The following ADARB2 variants were observed in gnomAD, a reference collection of about 807,000 sequenced individuals.
ADARB2 encodes the protein inactive double-stranded RNA-specific editase B2.
In ADARB2, 25 loss-of-function variants were observed where a neutral mutation model predicts 62.2. The ratio of observed to expected loss-of-function variants is 0.40; its 90% CI spans 0.29 to 0.56. The LOEUF is 0.56. Ranked by LOEUF, ADARB2 falls within the 20% of genes least tolerant of loss-of-function variation. ADARB2 has a pLI of 0.43. For missense variants in ADARB2, 1,071 were observed against 1,077.4 expected, an observed-to-expected ratio of 0.99 and a Z score of 0.08; for synonymous variants, 572 against 500.8, an observed-to-expected ratio of 1.14 and a Z score of -1.90.
chr10:1,315,884 T>C (rs773561412), intron 3 of ADARB2, among the ~76,000 whole-genome samples: 1 of 152,266 alleles, frequency 6.6e-6, no homozygotes, highest in Non-Finnish European at 1.5e-5. Flanking sequence ...TAAAATGTCT[T>C]GAATACATTC....
intron 3 of ADARB2, among the ~76,000 whole-genome samples, chr10:1,325,867 A>G (rs1831840084): frequency 1.3e-5 from 2 of 152,224 alleles, no homozygotes; most frequent in African/African-American, 4.8e-5. Context: ...CAAGCTGTTC[A>G]TTCTGGAGGT....
chr10:1,547,430 A>C (rs1200919739), intron 1 of ADARB2, among the ~76,000 whole-genome samples: 1 of 32,424 alleles, frequency 3.1e-5, no homozygotes, highest in Non-Finnish European at 5.9e-5. Flanking sequence ...GGGGAGGGGG[A>C]GAGAGGCTGT....
chr10:1,711,274 C>T (rs1834946303), intron 1 of ADARB2, among the ~76,000 whole-genome samples: 1 of 152,136 alleles, frequency 6.6e-6, no homozygotes, highest in South Asian at 2.1e-4. Flanking sequence ...TCTGTGAGAA[C>T]AAACTCAAGG....
chr10:1,675,917 G>A (rs1156472065), intron 1 of ADARB2: 4 of 845,984 alleles, frequency 4.7e-6, no homozygotes, highest in Non-Finnish European at 4.3e-6. Context: ...GCAGAGGTCC[G>A]CGTGGGTCAG....
intron 1 of ADARB2, among the ~76,000 whole-genome samples, chr10:1,725,156 C>G (rs1044854695): frequency 6.6e-6 from 1 of 152,144 alleles, no homozygotes; most frequent in Non-Finnish European, 1.5e-5. Flanking sequence ...CTCCCTGCAT[C>G]GTGCTAACCT....
At chr10:1,562,887 G>T (rs1832803580) in intron 1 of ADARB2, among the ~76,000 whole-genome samples, 1 of 152,242 alleles carries the variant, frequency 6.6e-6, no homozygotes, top group East Asian at 1.9e-4. Flanking sequence ...CAAGAAATAT[G>T]ATTGAAGTTG....
At chr10:1,736,759 G>T (rs1333347445) in intron 1 of ADARB2, among the ~76,000 whole-genome samples, 1 of 152,232 alleles carries the variant, frequency 6.6e-6, no homozygotes, top group African/African-American at 2.4e-5. Context: ...GGACTGCGGG[G>T]CCCGGAGACG....
intron 3 of ADARB2, among the ~76,000 whole-genome samples, chr10:1,285,117 T>C (rs1831401182): frequency 6.6e-6 from 1 of 151,050 alleles, no homozygotes; most frequent in Admixed American, 6.6e-5. Context: ...AAAAGTCATC[T>C]GCAGCATAAA....
chr10:1,499,066 CTCT>C (rs140750725), intron 1 of ADARB2, among the ~76,000 whole-genome samples: 20,935 of 151,534 alleles, frequency 0.14, 1,645 homozygotes, highest in East Asian at 0.19. Flanking sequence ...TCACTCATTA[CTCT>C]TCATTAATCA....
chr10:1,312,634 G>C (rs1831702781), intron 3 of ADARB2, among the ~76,000 whole-genome samples: 2 of 152,234 alleles, frequency 1.3e-5, no homozygotes, highest in Non-Finnish European at 2.9e-5. Context: ...AACCCTTTGA[G>C]GTAGGCGCTG....
intron 1 of ADARB2, among the ~76,000 whole-genome samples, chr10:1,651,292 A>T (rs752984557): frequency 1.3e-5 from 2 of 152,344 alleles, no homozygotes; most frequent in South Asian, 4.2e-4. Context: ...TAGTTTCTCC[A>T]TCGAGCCCTG....
intron 1 of ADARB2, among the ~76,000 whole-genome samples, chr10:1,655,468 G>C (rs757454169): frequency 6.6e-6 from 1 of 152,156 alleles, no homozygotes; most frequent in Non-Finnish European, 1.5e-5. Flanking sequence ...AAACTGCAAC[G>C]CACACCTAAT....
chr10:1,723,329 C>A (rs1015753978), intron 1 of ADARB2, among the ~76,000 whole-genome samples: 10 of 152,218 alleles, frequency 6.6e-5, no homozygotes, highest in Non-Finnish European at 1.3e-4. Flanking sequence ...GAGCTCTCCC[C>A]GTGGCCTTTC....
chr10:1,280,090 G>C (rs1831356772), intron 3 of ADARB2, among the ~76,000 whole-genome samples: 3 of 152,176 alleles, frequency 2.0e-5, no homozygotes, highest in African/African-American at 7.2e-5. Flanking sequence ...TGTTGGCTCA[G>C]AGTGAGTGAG....
At chr10:1,364,933 C>G (rs1360393710) in intron 2 of ADARB2, among the ~76,000 whole-genome samples, 1 of 149,806 alleles carries the variant, frequency 6.7e-6, no homozygotes, top group African/African-American at 2.5e-5. Flanking sequence ...AGGGCAGTGG[C>G]GCGATCTTGG....
chr10:1,669,218 G>A lies in ADARB2; in HGVS notation c.100+67833C>T, dbSNP rs1322786260. ...CTTCACCAGGATCCCTCAGCTCCACGAAGAGCTGTGCAGGGCTAGTGAGGC... is the reference window on the plus strand; with the variant it reads ...CTTCACCAGGATCCCTCAGCTCCACAAAGAGCTGTGCAGGGCTAGTGAGGC... On this transcript the variant is annotated intron_variant, in intron 1 of 9. Coordinates refer to ENST00000381312, the MANE Select transcript of ADARB2 (RefSeq NM_018702.4). Among the ~76,000 whole-genome samples the A allele has an allele frequency of 2.6e-5, 4 of 152,276 alleles. 1 individual carries two copies. The highest frequency in any genetic ancestry group is 4.8e-5 in the African/African-American group (2 of 41,542).
At chr10:1,594,345 G>A (rs1405063153) in intron 1 of ADARB2, among the ~76,000 whole-genome samples, 3 of 152,218 alleles carry the variant, frequency 2.0e-5, no homozygotes, top group South Asian at 2.1e-4. Flanking sequence ...CCACGTCTGC[G>A]TGACTGCCTC....
chr10:1,709,424 T>A (rs1834926724), intron 1 of ADARB2, among the ~76,000 whole-genome samples: 1 of 152,228 alleles, frequency 6.6e-6, no homozygotes, highest in Non-Finnish European at 1.5e-5. Context: ...AGACTCTAAT[T>A]TCTTTGTGAA....
At chr10:1,369,660 T>TTC (rs1564271672) in intron 2 of ADARB2, among the ~76,000 whole-genome samples, 3 of 152,008 alleles carry the variant, frequency 2.0e-5, no homozygotes, top group Non-Finnish European at 4.4e-5. Flanking sequence ...ATAAAATACA[T>TTC]TTTAAAAAGT....
Sources: gnomAD v4.1 joint callset for allele counts (sites outside exome capture counted in the v4.1 genomes callset) on GRCh38, gnomAD v4.1.1 for gene constraint, MANE v1.5 for transcripts, NCBI Gene and HGNC (gene_info 2026-07-23, HGNC 2026-07-21) for gene names.